RBPMS: variants seen among roughly 807,000 people sequenced by gnomAD.
The protein encoded by RBPMS is RNA-binding protein with multiple splicing.
RBPMS carries 7 observed loss-of-function variants against 26.8 expected under a neutral mutation model. That is an observed-to-expected ratio of 0.26 (90% CI 0.15 to 0.49). The LOEUF is 0.49. Ranked by LOEUF, RBPMS falls within the 20% of genes least tolerant of loss-of-function variation. The pLI is 0.98. For synonymous variants in RBPMS, 96 were observed against 93.3 expected, an observed-to-expected ratio of 1.03 and a Z score of -0.17; for missense variants, 186 against 250.0, an observed-to-expected ratio of 0.74 and a Z score of 1.73.
At chr8:30,541,085 C>T (rs1271781237) in intron 5 of RBPMS, among the ~76,000 whole-genome samples, 2 of 152,200 alleles carry the variant, frequency 1.3e-5, no homozygotes, top group African/African-American at 4.8e-5. Flanking sequence ...CAACTAAACT[C>T]AGAGATACAT....
At chr8:30,563,055 GTACAGGAGAGGGAGTTACTGC>G (rs1216743512) in intron 7 of RBPMS, among the ~76,000 whole-genome samples, 4 of 152,226 alleles carry the variant, frequency 2.6e-5, no homozygotes, top group Non-Finnish European at 4.4e-5. Context: ...GTGGACACAT[GTACAGGAGAGGGAGTTACTGC>G]TCATGATCCT....
At chr8:30,451,654 GCAGGCAA>G (rs1314075483) in intron 1 of RBPMS, among the ~76,000 whole-genome samples, 3 of 152,102 alleles carry the variant, frequency 2.0e-5, no homozygotes, top group African/African-American at 7.2e-5. Context: ...TTTTTTCCCA[GCAGGCAA>G]CAGTCTGTTG....
intron 5 of RBPMS, among the ~76,000 whole-genome samples, chr8:30,516,849 G>A (rs115244100): frequency 9.7e-4 from 147 of 151,282 alleles, no homozygotes; most frequent in African/African-American, 3.4e-3. Flanking sequence ...TATCTTGTCT[G>A]TGAATGGTCA....
chr8:30,551,603 CCT>C (rs1012623664), intron 6 of RBPMS, among the ~76,000 whole-genome samples: 25 of 152,168 alleles, frequency 1.6e-4, no homozygotes, highest in African/African-American at 4.3e-4. Context: ...CGCCTTCTCC[CCT>C]GTCCTTAATA....
chr8:30,464,698 A>T (rs937451870), intron 1 of RBPMS, among the ~76,000 whole-genome samples: 4 of 152,218 alleles, frequency 2.6e-5, no homozygotes, highest in African/African-American at 9.6e-5. Context: ...ATGTGAAATG[A>T]CTTGTTTCTT....
intron 7 of RBPMS, among the ~76,000 whole-genome samples, chr8:30,562,596 GCT>G (rs1827592260): frequency 1.3e-5 from 2 of 152,178 alleles, no homozygotes; most frequent in Admixed American, 6.5e-5. Context: ...CATAATCCAA[GCT>G]GTGTAATCTT....
intron 2 of RBPMS, among the ~76,000 whole-genome samples, chr8:30,477,372 T>C (rs1817815047): frequency 6.6e-6 from 1 of 152,164 alleles, no homozygotes; most frequent in African/African-American, 2.4e-5. Flanking sequence ...TAATGTTTTA[T>C]TGTTGTTATT....
At chr8:30,549,334 T>A (rs1374305265) in intron 6 of RBPMS, among the ~76,000 whole-genome samples, 1 of 152,208 alleles carries the variant, frequency 6.6e-6, no homozygotes, top group Admixed American at 6.5e-5. Flanking sequence ...TCCTAAGGTA[T>A]ATACTGTCTG....
intron 1 of RBPMS, among the ~76,000 whole-genome samples, chr8:30,468,679 T>G (rs1816771836): frequency 6.6e-6 from 1 of 152,186 alleles, no homozygotes. Flanking sequence ...TAGGACTGTG[T>G]TATACACTAC....
chr8:30,555,884 T>A (rs1390585211), intron 6 of RBPMS: 1 of 985,250 alleles, frequency 1.0e-6, no homozygotes, highest in East Asian at 1.1e-4. Flanking sequence ...CCCCACACAG[T>A]GATTAGCGCG....
At chr8:30,434,953 A>G (rs577992798) in intron 1 of RBPMS, among the ~76,000 whole-genome samples, 4 of 152,270 alleles carry the variant, frequency 2.6e-5, no homozygotes, top group Non-Finnish European at 4.4e-5. Context: ...ATAAAATGGA[A>G]GTGTTCTAAG....
chr8:30,549,815 T>TC (rs1455701635), intron 6 of RBPMS, among the ~76,000 whole-genome samples: 124 of 129,446 alleles, frequency 9.6e-4, no homozygotes, highest in Middle Eastern at 4.0e-3. Context: ...CCTCTCTCTC[T>TC]CTCTCTCTCT....
At chr8:30,441,848 G>A (rs1453212969) in intron 1 of RBPMS, among the ~76,000 whole-genome samples, 4 of 152,196 alleles carry the variant, frequency 2.6e-5, no homozygotes, top group Admixed American at 1.3e-4. Flanking sequence ...GGAGTTCAGT[G>A]GCACAGTCTC....
intron 1 of RBPMS, among the ~76,000 whole-genome samples, chr8:30,470,370 C>T (rs1026221223): frequency 6.6e-5 from 10 of 151,190 alleles, no homozygotes; most frequent in African/African-American, 2.0e-4. Flanking sequence ...GGCGACAGAA[C>T]GAGATTCCAT....
At chr8:30,521,721 G>C (rs1823055060) in intron 5 of RBPMS, among the ~76,000 whole-genome samples, 1 of 151,932 alleles carries the variant, frequency 6.6e-6, no homozygotes, top group South Asian at 2.1e-4. Context: ...TTTTAGGCTG[G>C]GTAATATTCC....
chr8:30,469,871 TTTAG>T, intron 1 of RBPMS, among the ~76,000 whole-genome samples: 1 of 152,318 alleles, frequency 6.6e-6, no homozygotes, highest in Non-Finnish European at 1.5e-5. Context: ...TTGGGGTTTT[TTTAG>T]TTACTTTGTG....
intron 1 of RBPMS, among the ~76,000 whole-genome samples, chr8:30,431,361 TTC>T (rs753573399): frequency 1.9e-4 from 28 of 150,630 alleles, no homozygotes; most frequent in Non-Finnish European, 3.0e-4. Context: ...TTCTTTCTCT[TTC>T]TTTCTTTCTC....
At chr8:30,448,709 A>G (rs1814170601) in intron 1 of RBPMS, among the ~76,000 whole-genome samples, 1 of 152,182 alleles carries the variant, frequency 6.6e-6, no homozygotes, top group East Asian at 1.9e-4. Context: ...ATCACTTTCT[A>G]GTTATGTTGA....
intron 1 of RBPMS, among the ~76,000 whole-genome samples, chr8:30,432,127 A>G (rs1432688144): frequency 1.3e-5 from 2 of 152,178 alleles, no homozygotes; most frequent in Non-Finnish European, 2.9e-5. Flanking sequence ...CCCTGTCTCA[A>G]AAAAGAACCA....
Sources: gnomAD v4.1 joint callset for allele counts (sites outside exome capture counted in the v4.1 genomes callset) on GRCh38, gnomAD v4.1.1 for gene constraint, MANE v1.5 for transcripts, NCBI Gene and HGNC (gene_info 2026-07-23, HGNC 2026-07-21) for gene names.